CSTF3: variants seen among roughly 807,000 people sequenced by gnomAD.
CSTF3 encodes cleavage stimulation factor subunit 3.
In CSTF3, 29 loss-of-function variants were observed where a neutral mutation model predicts 105.8. That is an observed-to-expected ratio of 0.27 (90% CI 0.20 to 0.37). The LOEUF (loss-of-function observed/expected upper bound fraction) is 0.37. Ranked by LOEUF, CSTF3 falls within the 10% of genes least tolerant of loss-of-function variation. The pLI is 1.00. For synonymous variants in CSTF3, 252 were observed against 281.9 expected (o/e 0.89, Z 1.06); for missense variants, 357 against 879.3 (o/e 0.41, Z 7.51).
intron 15 of CSTF3, among the ~76,000 whole-genome samples, chr11:33,093,098 A>G (rs1855185480): frequency 6.6e-6 from 1 of 152,224 alleles, no homozygotes; most frequent in South Asian, 2.1e-4. Context: ...GCTGTTCAAA[A>G]GAAAAATTAA....
intron 3 of CSTF3, among the ~76,000 whole-genome samples, chr11:33,109,440 T>A (rs1318619268): frequency 6.6e-6 from 1 of 152,230 alleles, no homozygotes; most frequent in Non-Finnish European, 1.5e-5. Context: ...CTGGACTTTT[T>A]TATCTTGATC....
intron 1 of CSTF3, among the ~76,000 whole-genome samples, chr11:33,157,210 C>T (rs1170304604): frequency 6.6e-6 from 1 of 152,038 alleles, no homozygotes; most frequent in Admixed American, 6.6e-5. Flanking sequence ...AAAAAATTAG[C>T]CGGGCATTGT....
chr11:33,109,818 T>C (rs1316499123), intron 3 of CSTF3, among the ~76,000 whole-genome samples: 1 of 152,162 alleles, frequency 6.6e-6, no homozygotes, highest in Non-Finnish European at 1.5e-5. Flanking sequence ...TTTTTCTCCT[T>C]CTAGAACTAT....
At chr11:33,139,590 G>A (rs867890303) in intron 3 of CSTF3, among the ~76,000 whole-genome samples, 1 of 151,476 alleles carries the variant, frequency 6.6e-6, no homozygotes, top group Non-Finnish European at 1.5e-5. Flanking sequence ...CAGCAAACCA[G>A]GAAAGAGAAA....
intron 13 of CSTF3, among the ~76,000 whole-genome samples, chr11:33,097,766 G>C (rs1026662147): frequency 6.6e-6 from 1 of 152,190 alleles, no homozygotes; most frequent in African/African-American, 2.4e-5. Context: ...GATAAACTAT[G>C]AGCCATTTTA....
rs1855102487 is a variant in CSTF3, at chr11:33,086,094, T to C, written c.1796-105A>G. The C allele has an allele frequency of 9.8e-6, 7 of 713,236 alleles. No individual in the cohort carries two copies. The East Asian group carries it at 2.2e-4, about 22-fold the overall frequency. The allele number at this position is 713,236 out of a possible 1,614,324, so 44.2% of individuals were successfully genotyped here. A position where few individuals can be genotyped will look rare whatever the true frequency, so the allele number is the denominator to read the frequency against. On this transcript the variant is annotated intron_variant, in intron 18 of 20. Transcript: ENST00000323959. ...AAGATCTTCCATGTCTGCTGCTTTG[T>C]TCTGGACACTGAAAATACTTCTAGG...
chr11:33,095,261 G>T (rs1053744474), intron 15 of CSTF3, among the ~76,000 whole-genome samples: 1 of 152,156 alleles, frequency 6.6e-6, no homozygotes, highest in Non-Finnish European at 1.5e-5. Flanking sequence ...CAGGCTAGAT[G>T]GAGTACAGTG....
intron 1 of CSTF3, among the ~76,000 whole-genome samples, chr11:33,152,989 CCA>C (rs1303681682): frequency 2.6e-5 from 4 of 151,304 alleles, no homozygotes; most frequent in African/African-American, 9.7e-5. Context: ...ATTGAGGAGC[CCA>C]GAGGGATTCT....
At chr11:33,130,689 T>A (rs565998178) in intron 3 of CSTF3, among the ~76,000 whole-genome samples, 1 of 152,280 alleles carries the variant, frequency 6.6e-6, no homozygotes, top group Non-Finnish European at 1.5e-5. Context: ...CAGAAACAGA[T>A]GTAAAAATTA....
At position 33,099,518 on chromosome 11, in the gene CSTF3, A is replaced by G. The variant is rs529904471; in HGVS notation, c.936+90T>C. ...CTTAAATTTTCAATACTTATGCTTT[A>G]TTACCAAAATTCAGTTATATTTTTC... On this transcript the variant is annotated intron_variant, in intron 11 of 20. Coordinates refer to ENST00000323959, the MANE Select transcript of CSTF3 (RefSeq NM_001326.3). The surrounding 1 kb of genome is among the most constrained non-coding windows in gnomAD (Gnocchi z 4.1). 31 of 872,950 alleles carry G rather than the reference A, an allele frequency of 3.6e-5. No individual in the cohort carries two copies. The highest frequency in any genetic ancestry group is 2.2e-4 in the Middle Eastern group (1 of 4,600). The allele number at this position is 872,950 out of a possible 1,614,324, so 54.1% of individuals were successfully genotyped here. A position where few individuals can be genotyped will look rare whatever the true frequency, so the allele number is the denominator to read the frequency against.
intron 1 of CSTF3, among the ~76,000 whole-genome samples, chr11:33,149,768 C>G (rs1426105145): frequency 6.6e-6 from 1 of 152,214 alleles, no homozygotes; most frequent in Non-Finnish European, 1.5e-5. Context: ...CCTGTAATCA[C>G]AGCACTTTGG....
chr11:33,124,259 TTTAG>T (rs1431479272), intron 3 of CSTF3, among the ~76,000 whole-genome samples: 1 of 152,224 alleles, frequency 6.6e-6, no homozygotes, highest in Non-Finnish European at 1.5e-5. Flanking sequence ...ATTTAGTTCA[TTTAG>T]TTAATTTCCA....
chr11:33,144,908 A>C, intron 1 of CSTF3: 1 of 239,258 alleles, frequency 4.2e-6, no homozygotes, highest in Non-Finnish European at 8.6e-6. Flanking sequence ...CCCGGGAGGG[A>C]GAAGTTGCAG....
intron 20 of CSTF3, 143 bp downstream of exon 20, chr11:33,085,570 G>T: frequency 1.4e-6 from 1 of 724,796 alleles, no homozygotes. Context: ...CTGCCAAAGA[G>T]GGTTTGGGTA....
At chr11:33,152,735 C>T (rs967329071) in intron 1 of CSTF3, among the ~76,000 whole-genome samples, 3 of 151,924 alleles carry the variant, frequency 2.0e-5, no homozygotes, top group African/African-American at 7.3e-5. Context: ...CCGAGGTGGG[C>T]GGATCACAAG....
chr11:33,114,665 A>C (rs979924300), intron 3 of CSTF3, among the ~76,000 whole-genome samples: 3 of 152,148 alleles, frequency 2.0e-5, no homozygotes, highest in African/African-American at 7.2e-5. Flanking sequence ...AGCCTGGACA[A>C]CATGGTGAAA....
intron 5 of CSTF3, 22 bp downstream of exon 5, chr11:33,107,881 T>C (rs1254692024): frequency 2.1e-6 from 3 of 1,456,836 alleles, no homozygotes; most frequent in Non-Finnish European, 2.9e-6. Context: ...ACTTGCATTC[T>C]TAAGATCCTG....
rs532291210 is a variant in CSTF3, at chr11:33,147,865, T to G, written c.28-5879A>C. Reference sequence around the variant, plus strand: ...TCACTGAAGAATAAACCTGATATAATCTCAAATTTGTTACTAAAACATATG... The same window carrying G: ...TCACTGAAGAATAAACCTGATATAAGCTCAAATTTGTTACTAAAACATATG... On this transcript the variant is annotated intron_variant, in intron 1 of 20. Transcript: ENST00000323959. 2.0e-5 allele frequency among the ~76,000 whole-genome samples: 3 copies of G among 152,230 alleles called. No homozygotes were observed. The East Asian group carries it at 5.8e-4, about 29-fold the overall frequency.
chr11:33,125,274 C>G (rs539909161), intron 3 of CSTF3, among the ~76,000 whole-genome samples: 87 of 152,232 alleles, frequency 5.7e-4, no homozygotes, highest in Non-Finnish European at 1.2e-3. Flanking sequence ...CTAATCTTAT[C>G]TAAATTCTAG....
Sources: gnomAD v4.1 joint callset for allele counts (sites outside exome capture counted in the v4.1 genomes callset) on GRCh38, gnomAD v4.1.1 for gene constraint, Gnocchi (gnomAD v3.1) non-coding constraint, MANE v1.5 for transcripts, NCBI Gene and HGNC (gene_info 2026-07-23, HGNC 2026-07-21) for gene names.